Variants in SLC26A9 observed in about 807,000 individuals in gnomAD.
SLC26A9 encodes anion transporter/exchanger protein 9.
In SLC26A9, 46 loss-of-function variants were observed where a neutral mutation model predicts 87.1. The ratio of observed to expected loss-of-function variants is 0.53; its 90% CI spans 0.42 to 0.67. The LOEUF (loss-of-function observed/expected upper bound fraction) is 0.67. Ranked by LOEUF, SLC26A9 falls within the 30% of genes least tolerant of loss-of-function variation. SLC26A9 has a pLI of 0.00. For missense variants in SLC26A9, 927 were observed against 1,018.3 expected, an observed-to-expected ratio of 0.91 and a Z score of 1.22; for synonymous variants, 437 against 409.1, an observed-to-expected ratio of 1.07 and a Z score of -0.82.
chr1:205,943,123 C>A (rs901758435), intron 1 of SLC26A9, among the ~76,000 whole-genome samples: 4 of 152,238 alleles, frequency 2.6e-5, no homozygotes, highest in Non-Finnish European at 5.9e-5. Context: ...ACCCTACTTG[C>A]TCCCTCAGTC....
chr1:205,935,337 A>T (rs1305805447), intron 2 of SLC26A9: 2 of 165,548 alleles, frequency 1.2e-5, no homozygotes, highest in African/African-American at 4.8e-5. Context: ...TAAGGAGGGA[A>T]CAGGGCATGG....
Position 205,918,899 on chromosome 1 carries a change from C to T in SLC26A9, c.2197G>A (p.Ala733Thr), listed in dbSNP as rs775623589. 6 of 1,614,204 alleles carry T rather than the reference C, an allele frequency of 3.7e-6. No individual in the cohort carries two copies. Among genetic ancestry groups the T allele is most frequent in the East Asian group, 4.5e-5 (2 of 44,884 alleles). Residue 733 changes from alanine to threonine, a missense_variant, in exon 19 of 21, where the codon GCA (alanine) becomes ACA (threonine). Physicochemically the swap from Ala to Thr is moderately conservative, Grantham distance 58. Transcript: ENST00000367135. Reference protein sequence around the residue: ...CKHVFPSIHDAVLFAQANARD... With the variant: ...CKHVFPSIHDTVLFAQANARD... Reference sequence around the variant, plus strand: ...GCATTTGCCTGGGCAAAGAGGACTGCGTCATGTATGCTGGGAAAGACGTGC... The same window carrying T: ...GCATTTGCCTGGGCAAAGAGGACTGTGTCATGTATGCTGGGAAAGACGTGC...
Position 205,926,559 on chromosome 1 carries a change from C to T in SLC26A9, c.1365G>A (p.Leu455=), listed in dbSNP as rs1233631556. ...CACAGTCCAGCTTGCTCTTCCTCCA[C>T]AGGTAGTAGGGGTCGGTGAGTTGCT... The part of the protein sequence containing the change: ...SLKQLTDPYY[L]WRKSKLDCCI... The change falls in exon 12 of 21, where the codon CTG becomes CTA. Residue 455 remains leucine (L), a synonymous_variant. Coordinates refer to ENST00000367135, the MANE Select transcript of SLC26A9 (RefSeq NM_052934.4). 2.5e-5 allele frequency: 41 copies of T among 1,614,082 alleles called. No homozygotes were observed. Among genetic ancestry groups the T allele is most frequent in the Middle Eastern group, 1.6e-4 (1 of 6,084 alleles).
At chr1:205,935,592 C>T in intron 2 of SLC26A9, 104 bp downstream of exon 2, 1 of 1,535,946 alleles carries the variant, frequency 6.5e-7, no homozygotes, top group Non-Finnish European at 8.8e-7. Flanking sequence ...CAGGGCTTCC[C>T]TTAACCCCAT....
intron 19 of SLC26A9, among the ~76,000 whole-genome samples, chr1:205,918,189 G>T (rs1658674447): frequency 6.6e-6 from 1 of 152,216 alleles, no homozygotes; most frequent in Admixed American, 6.5e-5. Context: ...CCAAGGGCAG[G>T]AGCTGAGCTG....
At chr1:205,924,687 CTG>C in intron 12 of SLC26A9, 198 bp from the exon 13 acceptor site, 1 of 542,736 alleles carries the variant, frequency 1.8e-6, no homozygotes, top group East Asian at 3.1e-5. Flanking sequence ...CTTAGATTGA[CTG>C]TGGTTGCCTG....
rs1658926501 is a variant in SLC26A9 at position 205,923,390 on chromosome 1, C to T, written c.1604G>A (p.Cys535Tyr). The change falls in exon 15 of 21, where the codon TGC becomes TAC. Residue 535 changes from cysteine to tyrosine, a missense_variant. Coordinates refer to ENST00000367135, the MANE Select transcript of SLC26A9 (RefSeq NM_052934.4). ...DIQGIKIITY[C>Y]SPLYFANSEI... The stretch of plus-strand genomic sequence containing the variant: ...TGAGTTGGCAAAGTAGAGAGGGGAG[C>T]AGTACGTGATGATTTTAATCCCCTG... The T allele has an allele frequency of 1.2e-6, 2 of 1,614,064 alleles. No individual in the cohort carries two copies. The highest frequency in any genetic ancestry group is 2.2e-5 in the East Asian group (1 of 44,900).
At chr1:205,938,581 T>C (rs1410316546) in intron 1 of SLC26A9, among the ~76,000 whole-genome samples, 1 of 152,208 alleles carries the variant, frequency 6.6e-6, no homozygotes, top group East Asian at 1.9e-4. Flanking sequence ...TGGGCTGGTC[T>C]GTTCTGCACC....
At chr1:205,915,450 G>T in intron 20 of SLC26A9, 46 bp from the exon 21 acceptor site, 2 of 1,613,180 alleles carry the variant, frequency 1.2e-6, no homozygotes, top group South Asian at 2.2e-5. Context: ...AGAGAGGTTA[G>T]ACCAGTTGGG....
chr1:205,927,492 C>T lies in SLC26A9; in HGVS notation c.1215G>A (p.Gln405=). Residue 405 remains glutamine, a splice_region_variant and synonymous_variant, in exon 10 of 21, where the codon CAG becomes CAA. Coordinates refer to ENST00000367135, the MANE Select transcript of SLC26A9 (RefSeq NM_052934.4). ...CCAACTCCCCTAGAACAAGGCTCAC[C>T]TGGGATTTTCCTCCAGCTCCATCCA... ...LAVDGAGGKS[Q]VASLCVSLVV... 1 of 1,613,656 alleles carries T rather than the reference C, an allele frequency of 6.2e-7. No homozygotes were observed. The highest frequency in any genetic ancestry group is 8.5e-7 in the Non-Finnish European group (1 of 1,179,730).
intron 12 of SLC26A9, among the ~76,000 whole-genome samples, 160 bp downstream of exon 12, chr1:205,926,375 G>A (rs578126724): frequency 2.6e-5 from 4 of 152,304 alleles, no homozygotes; most frequent in African/African-American, 7.2e-5. Flanking sequence ...TTTGAACATA[G>A]GATGTTTCAC....
At chr1:205,942,573 G>A (rs1659793833) in intron 1 of SLC26A9, among the ~76,000 whole-genome samples, 1 of 152,212 alleles carries the variant, frequency 6.6e-6, no homozygotes, top group Non-Finnish European at 1.5e-5. Context: ...TTTGAGGAAT[G>A]GGGGCACTGC....
chr1:205,923,948 C>T (rs1195073267), intron 13 of SLC26A9, among the ~76,000 whole-genome samples: 2 of 152,164 alleles, frequency 1.3e-5, no homozygotes, highest in Admixed American at 6.5e-5. Flanking sequence ...CAACATTCAG[C>T]GTACTCCCTG....
chr1:205,943,143 C>T (rs1262748275), intron 1 of SLC26A9, among the ~76,000 whole-genome samples: 6 of 152,238 alleles, frequency 3.9e-5, no homozygotes, highest in Non-Finnish European at 7.3e-5. Flanking sequence ...CAAGCCCAGC[C>T]TTGCAGCCCA....
At chr1:205,924,887 C>T (rs1395619103) in intron 12 of SLC26A9, 2 of 165,640 alleles carry the variant, frequency 1.2e-5, no homozygotes, top group East Asian at 3.6e-4. Flanking sequence ...GCCTCAAACC[C>T]TTGAACCCAA....
chr1:205,932,106 A>G (rs1264829794), intron 4 of SLC26A9, 71 bp from the exon 5 acceptor site: 1 of 1,576,768 alleles, frequency 6.3e-7, no homozygotes, highest in Non-Finnish European at 8.6e-7. Context: ...AAAGGGGCCC[A>G]GGAATGCTTC....
chr1:205,938,568 A>G (rs895745004), intron 1 of SLC26A9, among the ~76,000 whole-genome samples: 1 of 151,812 alleles, frequency 6.6e-6, no homozygotes, highest in African/African-American at 2.4e-5. Context: ...CCTCCACACC[A>G]TCTGGGCTGG....
chr1:205,917,257 C>A (rs1658632068), intron 20 of SLC26A9, 26 bp downstream of exon 20: 3 of 1,613,546 alleles, frequency 1.9e-6, no homozygotes, highest in Non-Finnish European at 2.5e-6. Context: ...CTGCTCCCAC[C>A]CTCACAGCCC....
At chr1:205,928,740 G>T in intron 8 of SLC26A9, 87 bp downstream of exon 8, 1 of 1,255,836 alleles carries the variant, frequency 8.0e-7, no homozygotes, top group Non-Finnish European at 1.2e-6. Flanking sequence ...CACTTTCATA[G>T]AGTTCATCTT....
Sources: gnomAD v4.1 joint callset for allele counts (sites outside exome capture counted in the v4.1 genomes callset) on GRCh38, gnomAD v4.1.1 for gene constraint, MANE v1.5 for transcripts, NCBI Gene and HGNC (gene_info 2026-07-23, HGNC 2026-07-21) for gene names.